Variants in TNNI3K observed in about 807,000 individuals in gnomAD.
TNNI3K encodes the protein serine/threonine-protein kinase TNNI3K.
In TNNI3K, 140 loss-of-function variants were observed where a neutral mutation model predicts 114.5. The ratio of observed to expected loss-of-function variants is 1.22; its 90% CI spans 1.07 to 1.41. The LOEUF (loss-of-function observed/expected upper bound fraction) is 1.41, where lower values mean the gene tolerates loss of function less well. Ranked by LOEUF, TNNI3K falls within the 40% of genes most tolerant of loss-of-function variation. The pLI, the probability that TNNI3K is intolerant of heterozygous loss-of-function variation, is 0.00. For synonymous variants in TNNI3K, 347 were observed against 347.5 expected, an observed-to-expected ratio of 1.00 and a Z score of 0.02; for missense variants, 1,125 against 1,007.6, an observed-to-expected ratio of 1.12 and a Z score of -1.58.
At position 74,367,316 on chromosome 1, in the gene TNNI3K, G is replaced by A. The variant is rs199835751; in HGVS notation, c.1238G>A (p.Cys413Tyr). ...AAGAGACCACAAGATGAATTGCCCT[G>A]TAATGAATATTCTCAGCCTGGAGGA... ...HYKRPQDELP[C>Y]NEYSQPGGDG... The change falls in exon 12 of 25, where the codon TGT (cysteine) becomes TAT (tyrosine). Residue 413 changes from cysteine (C) to tyrosine (Y), a missense_variant. Transcript: ENST00000326637. The A allele has an allele frequency of 3.2e-5, 52 of 1,612,038 alleles. No individual in the cohort carries two copies. The highest frequency in any genetic ancestry group is 4.2e-5 in the Non-Finnish European group (49 of 1,178,748).
chr1:74,360,059 A>G lies in TNNI3K; in HGVS notation c.1177+5930A>G, dbSNP rs112496923. ...TCGATTCAATCAAAAAGTCTTCTTT[A>G]TTTTGCTTAATAAGTACATTTTTAA... On this transcript the variant is annotated intron_variant, in intron 11 of 24. Coordinates refer to ENST00000326637, the MANE Select transcript of TNNI3K (RefSeq NM_015978.3). Among the ~76,000 whole-genome samples the G allele has an allele frequency of 1.5e-3, 229 of 151,868 alleles. 2 individuals are homozygous for G. Among genetic ancestry groups the G allele is most frequent in the African/African-American group, 5.1e-3 (212 of 41,500 alleles).
intron 17 of TNNI3K, among the ~76,000 whole-genome samples, chr1:74,424,899 C>A (rs538229961): frequency 6.6e-6 from 1 of 151,988 alleles, no homozygotes; most frequent in East Asian, 1.9e-4. Context: ...AGTTTTAATC[C>A]ACCTGGAGAA....
Position 74,367,960 on chromosome 1 carries a change from A to C in TNNI3K, c.1317A>C (p.Thr439=), listed in dbSNP as rs547187673. 1 of 1,563,898 alleles carries C rather than the reference A, an allele frequency of 6.4e-7. No homozygotes were observed. The highest frequency in any genetic ancestry group is 8.6e-7 in the Non-Finnish European group (1 of 1,160,638). ...CCTTGGGGAAGATTAAAAGCATGAC[A>C]AAAGGTACCTATAATCTGGGACAAT... ...PSPLGKIKSM[T]KEKADILLLR... The change falls in exon 13 of 25, where the codon ACA becomes ACC. Residue 439 remains threonine, a synonymous_variant. Coordinates refer to ENST00000326637, the MANE Select transcript of TNNI3K (RefSeq NM_015978.3).
At chr1:74,353,412 G>A (rs771562709) in intron 10 of TNNI3K, 52 bp downstream of exon 10, 9 of 1,598,746 alleles carry the variant, frequency 5.6e-6, no homozygotes, top group Non-Finnish European at 7.7e-6. Context: ...CAATGATTAA[G>A]AATAATGGTA....
At chr1:74,255,783 T>C (rs1478509029) in intron 4 of TNNI3K, among the ~76,000 whole-genome samples, 1 of 152,208 alleles carries the variant, frequency 6.6e-6, no homozygotes, top group African/African-American at 2.4e-5. Context: ...CATTTTGCAG[T>C]CAGTCTCCTT....
chr1:74,438,680 A>G (rs1666241674), intron 19 of TNNI3K, among the ~76,000 whole-genome samples: 1 of 152,090 alleles, frequency 6.6e-6, no homozygotes, highest in Admixed American at 6.6e-5. Context: ...GCCCTAAACT[A>G]GAAATCAACC....
At chr1:74,236,289 T>TTTAAA in intron 2 of TNNI3K, 79 bp downstream of exon 2, 1 of 1,296,362 alleles carries the variant, frequency 7.7e-7, no homozygotes, top group Admixed American at 2.3e-5. Flanking sequence ...CTGTATATTT[T>TTTAAA]TTAAACCCGT....
At chr1:74,406,686 G>GT (rs936807139) in intron 17 of TNNI3K, among the ~76,000 whole-genome samples, 9 of 152,286 alleles carry the variant, frequency 5.9e-5, no homozygotes, top group African/African-American at 2.2e-4. Flanking sequence ...GCCATGTACA[G>GT]TTTAACACAT....
intron 17 of TNNI3K, among the ~76,000 whole-genome samples, chr1:74,412,412 CTCAT>C (rs1452033447): frequency 6.6e-6 from 1 of 152,070 alleles, no homozygotes; most frequent in Non-Finnish European, 1.5e-5. Context: ...TTGATATATA[CTCAT>C]TCATAGGAAT....
chr1:74,369,010 T>C lies in TNNI3K; in HGVS notation c.1322-12T>C, dbSNP rs202179254. 112 of 1,588,504 alleles carry C rather than the reference T, an allele frequency of 7.1e-5. No individual in the cohort carries two copies. The African/African-American group carries it at 1.4e-3, about 20-fold the overall frequency. On this transcript the variant is annotated splice_polypyrimidine_tract_variant and intron_variant, in intron 13 of 24. Coordinates refer to ENST00000326637, the MANE Select transcript of TNNI3K (RefSeq NM_015978.3). ...TTACCTTAAAAAATAAAATGACAAT[T>C]TCTCTTTGCAGAGAAGGCAGATATT... is the stretch of plus-strand genomic sequence containing the variant.
At chr1:74,296,385 CT>C (rs1657987553) in intron 5 of TNNI3K, among the ~76,000 whole-genome samples, 1 of 151,714 alleles carries the variant, frequency 6.6e-6, no homozygotes, top group African/African-American at 2.4e-5. Flanking sequence ...CTCTCACTTT[CT>C]TTTATTCTAT....
At chr1:74,400,891 T>C (rs977724293) in intron 17 of TNNI3K, among the ~76,000 whole-genome samples, 2 of 152,194 alleles carry the variant, frequency 1.3e-5, no homozygotes, top group Non-Finnish European at 2.9e-5. Context: ...CAATTGGCCA[T>C]TCCATTCACC....
chr1:74,326,103 G>T (rs1659887539), intron 5 of TNNI3K, among the ~76,000 whole-genome samples: 1 of 152,040 alleles, frequency 6.6e-6, no homozygotes, highest in African/African-American at 2.4e-5. Context: ...ATTTGAAGAA[G>T]ATCCAAAGAA....
chr1:74,516,198 AT>A (rs1335127856), intron 23 of TNNI3K, among the ~76,000 whole-genome samples: 1 of 152,158 alleles, frequency 6.6e-6, no homozygotes, highest in Non-Finnish European at 1.5e-5. Flanking sequence ...CTGTTCTGAA[AT>A]TTCCCATTAG....
intron 4 of TNNI3K, among the ~76,000 whole-genome samples, chr1:74,260,191 A>G (rs1165067749): frequency 6.6e-6 from 1 of 152,182 alleles, no homozygotes; most frequent in Non-Finnish European, 1.5e-5. Context: ...CTTTTATTGT[A>G]GCACTTATAA....
chr1:74,246,406 G>T (rs143098097), intron 2 of TNNI3K, among the ~76,000 whole-genome samples: 1 of 152,250 alleles, frequency 6.6e-6, no homozygotes, highest in Non-Finnish European at 1.5e-5. Context: ...TAGGTAGATT[G>T]GATTTTTCTC....
At chr1:74,460,254 A>G (rs1667399392) in intron 20 of TNNI3K, among the ~76,000 whole-genome samples, 1 of 151,996 alleles carries the variant, frequency 6.6e-6, no homozygotes, top group Non-Finnish European at 1.5e-5. Flanking sequence ...TTTTTAGTAG[A>G]GATGCGGTTT....
At chr1:74,388,739 A>T (rs934344750) in intron 17 of TNNI3K, among the ~76,000 whole-genome samples, 1 of 152,198 alleles carries the variant, frequency 6.6e-6, no homozygotes, top group African/African-American at 2.4e-5. Flanking sequence ...GGTATTTTAT[A>T]TTTATTTTTA....
At chr1:74,394,826 T>C (rs1663989979) in intron 17 of TNNI3K, among the ~76,000 whole-genome samples, 1 of 151,978 alleles carries the variant, frequency 6.6e-6, no homozygotes, top group South Asian at 2.1e-4. Flanking sequence ...GGGTGGATCA[T>C]GAGGTCAGGA....
Sources: gnomAD v4.1 joint callset for allele counts (sites outside exome capture counted in the v4.1 genomes callset) on GRCh38, gnomAD v4.1.1 for gene constraint, MANE v1.5 for transcripts, NCBI Gene and HGNC (gene_info 2026-07-23, HGNC 2026-07-21) for gene names.